The following GALNT17 variants were observed in gnomAD, a reference collection of about 807,000 sequenced individuals.
GALNT17 encodes polypeptide N-acetylgalactosaminyltransferase 17, also known as UDP-GalNAc:polypeptide N-acetylgalactosaminyltransferase-like 3.
A neutral mutation model predicts 63.7 loss-of-function variants in GALNT17; 29 were observed. The observed-to-expected ratio is 0.46, with a 90% CI of 0.34 to 0.62. The LOEUF is 0.62. GALNT17 is among the 20% of genes least tolerant of loss of function. The pLI, the probability that GALNT17 is intolerant of heterozygous loss-of-function variation, is 0.01. For missense variants in GALNT17, 603 were observed against 799.6 expected (o/e 0.75, Z 2.97); for synonymous variants, 305 against 318.3 (o/e 0.96, Z 0.45).
chr7:71,575,942 GA>G (rs1173528122), intron 6 of GALNT17, among the ~76,000 whole-genome samples: 1 of 152,058 alleles, frequency 6.6e-6, no homozygotes, highest in African/African-American at 2.4e-5. Flanking sequence ...GAAAATAAAT[GA>G]GATGGAAATT....
intron 1 of GALNT17, among the ~76,000 whole-genome samples, chr7:71,149,108 C>T (rs1299018207): frequency 4.0e-5 from 6 of 151,866 alleles, no homozygotes; most frequent in African/African-American, 1.2e-4. Flanking sequence ...TTTCTGGAGA[C>T]GGAGTCTTGC....
At chr7:71,372,636 G>T (rs941031500) in intron 2 of GALNT17, among the ~76,000 whole-genome samples, 1 of 152,138 alleles carries the variant, frequency 6.6e-6, no homozygotes, top group South Asian at 2.1e-4. Flanking sequence ...AAAAAATTTT[G>T]TAGAGATGGA....
chr7:71,220,084 A>T (rs1789555795), intron 1 of GALNT17, among the ~76,000 whole-genome samples: 1 of 152,262 alleles, frequency 6.6e-6, no homozygotes, highest in Admixed American at 6.5e-5. Flanking sequence ...AACAAAGGTG[A>T]GTTCCAGAGA....
chr7:71,482,471 T>C (rs563527835), intron 5 of GALNT17, among the ~76,000 whole-genome samples: 1 of 152,268 alleles, frequency 6.6e-6, no homozygotes, highest in Admixed American at 6.5e-5. Flanking sequence ...TTCAAAGAAA[T>C]GCATCATTAG....
Position 71,372,245 on chromosome 7 carries a change from A to C in GALNT17, c.423-15990A>C, listed in dbSNP as rs188420584. Among the ~76,000 whole-genome samples the C allele has an allele frequency of 4.4e-3, 674 of 152,134 alleles. 4 individuals carry two copies. The highest frequency in any genetic ancestry group is 0.015 in the African/African-American group (633 of 41,512). ...AGTGGCACAATCTTGGCTCACTGCA[A>C]CCTCCACCTCCCGGCCTCAAGCGAT... is the stretch of plus-strand genomic sequence containing the variant. On this transcript the variant is annotated intron_variant, in intron 2 of 10. Transcript: ENST00000333538.
chr7:71,270,775 A>C (rs547593748), intron 1 of GALNT17, among the ~76,000 whole-genome samples: 1 of 152,168 alleles, frequency 6.6e-6, no homozygotes, highest in South Asian at 2.1e-4. Flanking sequence ...TTTGATACAG[A>C]ACAGAAGAGC....
Position 71,595,745 on chromosome 7 carries a change from A to G in GALNT17, c.1080+24343A>G, listed in dbSNP as rs1462963846. Among the ~76,000 whole-genome samples the G allele has an allele frequency of 2.6e-5, 4 of 151,942 alleles. No individual in the cohort carries two copies. In the East Asian group the frequency reaches 5.8e-4, roughly 22 times the overall value. Reference sequence around the variant, plus strand: ...GATCTAACCAGAAGGTCAGGCAGCAACACTGCCATCACATTCCATTGGCCA... The same window carrying G: ...GATCTAACCAGAAGGTCAGGCAGCAGCACTGCCATCACATTCCATTGGCCA... On this transcript the variant is annotated intron_variant, in intron 6 of 10. Transcript: ENST00000333538.
chr7:71,669,979 G>A lies in GALNT17; in HGVS notation c.1274G>A (p.Gly425Glu). ...GCTTCTCTCTCCTTTCAGAATCCGG[G>A]AATTGACATCGGTGATGTCTCCGAA... The part of the protein sequence containing the change: ...IAWNLPLENP[G>E]IDIGDVSERR... Residue 425 changes from glycine (G) to glutamate (E), a missense_variant, in exon 8 of 11, where the codon GGA becomes GAA. By Grantham distance (98) the Gly-to-Glu change is moderately conservative. This residue lies in a region of GALNT17 where 336 missense variants were observed against 507.8 expected (regional missense o/e 0.66). Transcript: ENST00000333538. 1 of 1,614,012 alleles carries A rather than the reference G, an allele frequency of 6.2e-7. No homozygotes were observed. The highest frequency in any genetic ancestry group is 8.5e-7 in the Non-Finnish European group (1 of 1,179,972).
chr7:71,509,558 G>C (rs6961979), intron 5 of GALNT17, among the ~76,000 whole-genome samples: 36,342 of 152,148 alleles, frequency 0.24, 4,476 homozygotes, highest in Middle Eastern at 0.36. Flanking sequence ...GAAACACTTG[G>C]CTTTCCTGAG....
chr7:71,542,040 G>A (rs993689760), intron 5 of GALNT17, among the ~76,000 whole-genome samples: 14 of 152,148 alleles, frequency 9.2e-5, no homozygotes, highest in Non-Finnish European at 1.5e-4. Flanking sequence ...AAATGCAGGC[G>A]ATGATACAAA....
chr7:71,343,792 T>A (rs1306051613), intron 2 of GALNT17, among the ~76,000 whole-genome samples: 1 of 152,184 alleles, frequency 6.6e-6, no homozygotes, highest in East Asian at 1.9e-4. Flanking sequence ...AAGAGCTTTT[T>A]CAAAATAATC....
chr7:71,301,719 A>G (rs1791202033), intron 1 of GALNT17, among the ~76,000 whole-genome samples: 1 of 150,398 alleles, frequency 6.6e-6, no homozygotes, highest in Admixed American at 6.7e-5. Flanking sequence ...TGTTAAGAGG[A>G]TAGATCTTGT....
intron 5 of GALNT17, among the ~76,000 whole-genome samples, chr7:71,439,700 C>G (rs1307632069): frequency 2.6e-5 from 4 of 152,172 alleles, no homozygotes; most frequent in African/African-American, 9.7e-5. Flanking sequence ...ATGGAGGACA[C>G]TTTACCTCTG....
At chr7:71,222,924 T>C (rs1789613628) in intron 1 of GALNT17, among the ~76,000 whole-genome samples, 2 of 151,998 alleles carry the variant, frequency 1.3e-5, no homozygotes, top group South Asian at 4.1e-4. Flanking sequence ...CCCCCCAAAA[T>C]TAGCTGGTCA....
At chr7:71,145,557 A>G in intron 1 of GALNT17, among the ~76,000 whole-genome samples, 1 of 152,220 alleles carries the variant, frequency 6.6e-6, no homozygotes. Flanking sequence ...ATTCTAGGAC[A>G]ATTGGTAGCA....
At chr7:71,396,921 G>A (rs1040466877) in intron 3 of GALNT17, among the ~76,000 whole-genome samples, 1 of 151,690 alleles carries the variant, frequency 6.6e-6, no homozygotes, top group Non-Finnish European at 1.5e-5. Flanking sequence ...ATCATTTATT[G>A]TTATTGTATA....
At chr7:71,481,204 T>C (rs1787811190) in intron 5 of GALNT17, among the ~76,000 whole-genome samples, 1 of 152,176 alleles carries the variant, frequency 6.6e-6, no homozygotes, top group Non-Finnish European at 1.5e-5. Flanking sequence ...CCCAGTACTT[T>C]GGGAGGCTGA....
chr7:71,269,518 G>A (rs1202635), intron 1 of GALNT17, among the ~76,000 whole-genome samples: 16 of 152,142 alleles, frequency 1.1e-4, no homozygotes, highest in African/African-American at 2.9e-4. Flanking sequence ...CTCTTCTCTC[G>A]TCTGCCTTGG....
chr7:71,432,497 G>A (rs1786885885), intron 5 of GALNT17, among the ~76,000 whole-genome samples: 1 of 152,180 alleles, frequency 6.6e-6, no homozygotes, highest in African/African-American at 2.4e-5. Context: ...TTATCAGGTA[G>A]GATATTCCAA....
Sources: allele counts gnomAD v4.1 joint callset (sites outside exome capture counted in the v4.1 genomes callset), GRCh38; gene constraint gnomAD v4.1.1; regional missense constraint gnomAD v4.1.1; transcripts MANE v1.5; gene names NCBI Gene and HGNC (gene_info 2026-07-23, HGNC 2026-07-21).